FSHR: variants seen among roughly 807,000 people sequenced by gnomAD.
FSHR encodes the protein follicle-stimulating hormone receptor.
In FSHR, 46 loss-of-function variants were observed where a neutral mutation model predicts 52.1. The ratio of observed to expected loss-of-function variants is 0.88; its 90% CI spans 0.70 to 1.13. The LOEUF is 1.13. FSHR is among the 50% of genes most tolerant of loss of function. FSHR has a pLI of 0.00. For synonymous variants in FSHR, 399 were observed against 309.6 expected, an observed-to-expected ratio of 1.29 and a Z score of -3.03; for missense variants, 964 against 834.6, an observed-to-expected ratio of 1.16 and a Z score of -1.91.
chr2:48,985,020 A>C (rs1212796010), intron 6 of FSHR, among the ~76,000 whole-genome samples: 3 of 152,200 alleles, frequency 2.0e-5, no homozygotes, highest in Non-Finnish European at 4.4e-5. Flanking sequence ...ATCTGTGGGA[A>C]TCTCAAGCTA....
At chr2:49,110,224 C>G (rs1203039060) in intron 1 of FSHR, among the ~76,000 whole-genome samples, 3 of 152,068 alleles carry the variant, frequency 2.0e-5, no homozygotes, top group African/African-American at 7.2e-5. Context: ...TTATTTAATC[C>G]TCTCAGTATT....
chr2:49,032,892 T>C (rs1412521319), intron 2 of FSHR, among the ~76,000 whole-genome samples: 1 of 152,238 alleles, frequency 6.6e-6, no homozygotes, highest in South Asian at 2.1e-4. Context: ...CCTAAAAATA[T>C]AAGTATTTGG....
chr2:49,021,886 T>TATATAGAGAGAGAGAGAGAG (rs1273265515), intron 2 of FSHR, among the ~76,000 whole-genome samples: 1 of 25,124 alleles, frequency 4.0e-5, no homozygotes, highest in East Asian at 2.7e-3. Flanking sequence ...TATATATATA[T>TATATAGAGAGAGAGAGAGAG]AGAGAGAGAG....
At chr2:48,984,212 C>G (rs1291115092) in intron 6 of FSHR, among the ~76,000 whole-genome samples, 2 of 152,242 alleles carry the variant, frequency 1.3e-5, no homozygotes, top group African/African-American at 4.8e-5. Context: ...CTCTTGAAAA[C>G]CAATTACCTA....
At chr2:49,127,908 T>G (rs1672122991) in intron 1 of FSHR, among the ~76,000 whole-genome samples, 1 of 139,444 alleles carries the variant, frequency 7.2e-6, no homozygotes, top group African/African-American at 2.7e-5. Context: ...CTTTTTTTTT[T>G]TTGAGACGGA....
At chr2:49,136,354 G>A (rs995468910) in intron 1 of FSHR, among the ~76,000 whole-genome samples, 2 of 152,048 alleles carry the variant, frequency 1.3e-5, no homozygotes, top group Non-Finnish European at 2.9e-5. Context: ...GTCAACTGGA[G>A]AGATTAGAAT....
At position 48,995,432 on chromosome 2, in the gene FSHR, C is replaced by G. The variant is rs577169688; in HGVS notation, c.375-4795G>C. Among the ~76,000 whole-genome samples the G allele has an allele frequency of 2.6e-5, 4 of 152,076 alleles. No individual in the cohort carries two copies. In the South Asian group the frequency reaches 8.3e-4, roughly 32 times the overall value. On this transcript the variant is annotated intron_variant, in intron 4 of 9. Coordinates refer to ENST00000406846, the MANE Select transcript of FSHR (RefSeq NM_000145.4). The stretch of plus-strand genomic sequence containing the variant: ...CTTAGAAACTACAGAGCCTTCTGGC[C>G]TAAACTAAGAGTAGCAAGTGTGTAT...
chr2:49,149,195 G>A (rs1672974108), intron 1 of FSHR, among the ~76,000 whole-genome samples: 1 of 151,962 alleles, frequency 6.6e-6, no homozygotes, highest in African/African-American at 2.4e-5. Context: ...AAATGAGGAA[G>A]TTAGGAATGG....
chr2:49,005,048 C>T (rs1667030727), intron 4 of FSHR, among the ~76,000 whole-genome samples: 1 of 151,746 alleles, frequency 6.6e-6, no homozygotes, highest in East Asian at 1.9e-4. Context: ...TTTCAGGTTC[C>T]TCTTTCAAAA....
intron 4 of FSHR, among the ~76,000 whole-genome samples, chr2:49,012,991 A>G (rs1667327621): frequency 6.6e-6 from 1 of 152,252 alleles, no homozygotes; most frequent in South Asian, 2.1e-4. Context: ...TCATAAGTGT[A>G]GGGCCCTAAA....
intron 2 of FSHR, among the ~76,000 whole-genome samples, chr2:49,049,056 C>T (rs1668761455): frequency 6.6e-6 from 1 of 151,646 alleles, no homozygotes; most frequent in South Asian, 2.1e-4. Context: ...TTTATTTTAA[C>T]ACCATCTATT....
chr2:49,039,173 C>G lies in FSHR; in HGVS notation c.225-19013G>C, dbSNP rs539030120. On this transcript the variant is annotated intron_variant, in intron 2 of 9. Coordinates refer to ENST00000406846, the MANE Select transcript of FSHR (RefSeq NM_000145.4). ...GTACAATTATATATGTTGCTGCACT[C>G]AGTAGATTCTTTTTCTCTGGGAAAC... Among the ~76,000 whole-genome samples, 12 of 152,254 alleles carry G rather than the reference C, an allele frequency of 7.9e-5. No individual in the cohort carries two copies. In the South Asian group the frequency reaches 1.7e-3, roughly 21 times the overall value.
chr2:49,071,164 A>G (rs1669712669), intron 1 of FSHR, among the ~76,000 whole-genome samples: 2 of 152,184 alleles, frequency 1.3e-5, no homozygotes, highest in African/African-American at 4.8e-5. Flanking sequence ...TTACAATGAA[A>G]TAACATCCAG....
intron 1 of FSHR, among the ~76,000 whole-genome samples, chr2:49,098,234 A>C (rs1670897701): frequency 6.6e-6 from 1 of 152,190 alleles, no homozygotes; most frequent in Non-Finnish European, 1.5e-5. Flanking sequence ...AAATACAAAG[A>C]AAAACAAGCT....
At chr2:49,063,203 C>G (rs1427598669) in intron 2 of FSHR, among the ~76,000 whole-genome samples, 1 of 151,910 alleles carries the variant, frequency 6.6e-6, no homozygotes, top group African/African-American at 2.4e-5. Context: ...GCCACTGTAC[C>G]CTGGCTTGAG....
chr2:48,988,179 T>C (rs935396614), intron 6 of FSHR, among the ~76,000 whole-genome samples: 6 of 152,226 alleles, frequency 3.9e-5, no homozygotes, highest in Non-Finnish European at 7.3e-5. Context: ...CTTTATGGAC[T>C]GGAACTTATG....
intron 1 of FSHR, among the ~76,000 whole-genome samples, chr2:49,074,141 G>A (rs765429491): frequency 6.6e-6 from 1 of 151,998 alleles, no homozygotes; most frequent in Non-Finnish European, 1.5e-5. Context: ...GGTTTTATGA[G>A]TAAGACTTCA....
At chr2:48,998,933 T>G (rs1169588935) in intron 4 of FSHR, among the ~76,000 whole-genome samples, 4 of 152,090 alleles carry the variant, frequency 2.6e-5, no homozygotes, top group Admixed American at 2.6e-4. Flanking sequence ...ATATTATTTT[T>G]GTGTATGTGT....
intron 5 of FSHR, among the ~76,000 whole-genome samples, chr2:48,989,407 A>T (rs1675667444): frequency 6.6e-6 from 1 of 151,574 alleles, no homozygotes. Flanking sequence ...CTCAGCCTCC[A>T]GAATAGCTGG....
Sources: allele counts gnomAD v4.1 joint callset (sites outside exome capture counted in the v4.1 genomes callset), GRCh38; gene constraint gnomAD v4.1.1; transcripts MANE v1.5; gene names NCBI Gene and HGNC (gene_info 2026-07-23, HGNC 2026-07-21).